Variants in SEPTIN7 observed in about 807,000 individuals in gnomAD.
The protein encoded by SEPTIN7 is septin 7, also known as septin-7.
Under a neutral mutation model 63.3 loss-of-function variants are expected in SEPTIN7, and 10 were observed. The ratio of observed to expected loss-of-function variants is 0.16; its 90% CI spans 0.10 to 0.27. The LOEUF (loss-of-function observed/expected upper bound fraction) is 0.27, where lower values mean the gene tolerates loss of function less well. SEPTIN7 is among the 10% of genes least tolerant of loss of function. The pLI, the probability that SEPTIN7 is intolerant of heterozygous loss-of-function variation, is 1.00. For synonymous variants in SEPTIN7, 131 were observed against 165.3 expected (o/e 0.79, Z 1.59); for missense variants, 310 against 521.0 (o/e 0.59, Z 3.94).
intron 1 of SEPTIN7, among the ~76,000 whole-genome samples, chr7:35,828,854 G>A (rs1783657126): frequency 6.6e-6 from 1 of 152,034 alleles, no homozygotes. Flanking sequence ...TCAACCTCCT[G>A]GGCTAAAGCA....
intron 6 of SEPTIN7, among the ~76,000 whole-genome samples, chr7:35,876,783 A>G (rs1786498689): frequency 6.6e-6 from 1 of 152,180 alleles, no homozygotes; most frequent in African/African-American, 2.4e-5. Flanking sequence ...AGCCTGGCCA[A>G]CATGGTGAAA....
intron 1 of SEPTIN7, among the ~76,000 whole-genome samples, chr7:35,826,137 A>G (rs1158227955): frequency 1.3e-5 from 2 of 152,022 alleles, no homozygotes; most frequent in African/African-American, 4.8e-5. Context: ...AAAACATTTA[A>G]ATGGCAAATG....
intron 3 of SEPTIN7, among the ~76,000 whole-genome samples, 184 bp downstream of exon 3, chr7:35,833,084 T>C (rs961628092): frequency 6.6e-5 from 10 of 152,042 alleles, no homozygotes; most frequent in South Asian, 2.1e-4. Flanking sequence ...ATGTCTTGCC[T>C]CTTATTTTAA....
intron 1 of SEPTIN7, chr7:35,815,264 G>T: frequency 2.9e-6 from 1 of 339,914 alleles, no homozygotes; most frequent in Non-Finnish European, 5.8e-6. Flanking sequence ...CCAAGATCTG[G>T]GCACCAGAAG....
At chr7:35,898,665 A>G in intron 12 of SEPTIN7, 1 of 230,204 alleles carries the variant, frequency 4.3e-6, no homozygotes, top group Non-Finnish European at 8.4e-6. Flanking sequence ...TGAGTTGTGA[A>G]AAATAAAATT....
At chr7:35,862,672 C>T (rs1785572951) in intron 3 of SEPTIN7, among the ~76,000 whole-genome samples, 1 of 152,036 alleles carries the variant, frequency 6.6e-6, no homozygotes, top group Admixed American at 6.6e-5. Context: ...AAAAGAATTC[C>T]TCCTAGACAT....
At chr7:35,817,890 T>G (rs1789181016) in intron 1 of SEPTIN7, among the ~76,000 whole-genome samples, 1 of 147,778 alleles carries the variant, frequency 6.8e-6, no homozygotes, top group South Asian at 2.1e-4. Flanking sequence ...TCCTGTAGTG[T>G]TTTTTTTTTA....
intron 6 of SEPTIN7, among the ~76,000 whole-genome samples, chr7:35,875,578 T>C (rs1176960508): frequency 6.6e-6 from 1 of 152,208 alleles, no homozygotes; most frequent in Non-Finnish European, 1.5e-5. Context: ...ATGAACTGCA[T>C]GCATGGCTAA....
At chr7:35,811,832 G>A (rs1393584084) in intron 1 of SEPTIN7, among the ~76,000 whole-genome samples, 3 of 152,190 alleles carry the variant, frequency 2.0e-5, no homozygotes, top group Non-Finnish European at 4.4e-5. Context: ...GACCAGCCTG[G>A]CCAAGAAGGT....
At chr7:35,910,940 G>C (rs1380004150), downstream of SEPTIN7, among the ~76,000 whole-genome samples, 1 of 152,230 alleles carries the variant, frequency 6.6e-6, no homozygotes, top group African/African-American at 2.4e-5. Context: ...CTCCAGGCCA[G>C]AACCAGCAGT....
intron 1 of SEPTIN7, 36 bp downstream of exon 1, chr7:35,801,306 A>C: frequency 1.3e-6 from 2 of 1,515,180 alleles, no homozygotes; most frequent in Non-Finnish European, 1.8e-6. Context: ...ACTTGGGGTC[A>C]GCGGCTCCGA....
intron 3 of SEPTIN7, among the ~76,000 whole-genome samples, chr7:35,843,602 A>C (rs1242386852): frequency 6.6e-6 from 1 of 152,242 alleles, no homozygotes; most frequent in Admixed American, 6.5e-5. Flanking sequence ...AAAATGTAGA[A>C]AAATTAGTAA....
chr7:35,885,585 G>T (rs1787183088), intron 9 of SEPTIN7, among the ~76,000 whole-genome samples: 1 of 152,050 alleles, frequency 6.6e-6, no homozygotes, highest in Non-Finnish European at 1.5e-5. Context: ...TGTTTCTGGA[G>T]AGTTCATTTG....
chr7:35,833,809 G>C (rs1267115819), intron 3 of SEPTIN7, among the ~76,000 whole-genome samples: 1 of 151,956 alleles, frequency 6.6e-6, no homozygotes, highest in Non-Finnish European at 1.5e-5. Flanking sequence ...TTTTGGTGCT[G>C]AATTAGGTTA....
chr7:35,893,930 A>G (rs1374499303), intron 11 of SEPTIN7, among the ~76,000 whole-genome samples: 2 of 152,114 alleles, frequency 1.3e-5, no homozygotes, highest in African/African-American at 4.8e-5. Context: ...TGTTTCTGAC[A>G]AAGTATGGAG....
intron 3 of SEPTIN7, among the ~76,000 whole-genome samples, chr7:35,848,999 A>T (rs905592450): frequency 6.6e-6 from 1 of 152,248 alleles, no homozygotes; most frequent in Non-Finnish European, 1.5e-5. Context: ...GCTACTAGCT[A>T]TCCAGCAGAA....
chr7:35,852,734 G>A (rs1278382019), intron 3 of SEPTIN7, among the ~76,000 whole-genome samples: 10 of 152,028 alleles, frequency 6.6e-5, no homozygotes, highest in South Asian at 2.1e-4. Flanking sequence ...TCTGTGTCAC[G>A]ATAATAGAAT....
intron 3 of SEPTIN7, among the ~76,000 whole-genome samples, chr7:35,851,096 T>C (rs1419720218): frequency 6.6e-6 from 1 of 152,138 alleles, no homozygotes; most frequent in Non-Finnish European, 1.5e-5. Context: ...GTGATGAATG[T>C]TTTATTTTTA....
chr7:35,875,534 T>C (rs1786420669), intron 6 of SEPTIN7, among the ~76,000 whole-genome samples: 1 of 152,212 alleles, frequency 6.6e-6, no homozygotes, highest in Non-Finnish European at 1.5e-5. Context: ...TCCAACAGTG[T>C]ACTTTCAGTG....
Sources: gnomAD v4.1 joint callset for allele counts (sites outside exome capture counted in the v4.1 genomes callset) on GRCh38, gnomAD v4.1.1 for gene constraint, MANE v1.5 for transcripts, NCBI Gene and HGNC (gene_info 2026-07-23, HGNC 2026-07-21) for gene names.